The following ELL variants were observed in gnomAD, a reference collection of about 807,000 sequenced individuals.
ELL encodes the protein elongation factor for RNA polymerase II, also known as RNA polymerase II elongation factor ELL.
Under a neutral mutation model 64.0 loss-of-function variants are expected in ELL, and 18 were observed. The observed-to-expected ratio is 0.28, with a 90% confidence interval of 0.19 to 0.42. The LOEUF (loss-of-function observed/expected upper bound fraction) is 0.42. Ranked by LOEUF, ELL falls within the 10% of genes least tolerant of loss-of-function variation. The pLI, the probability that ELL is intolerant of heterozygous loss-of-function variation, is 1.00. For missense variants in ELL, 797 were observed against 870.4 expected, an observed-to-expected ratio of 0.92 and a Z score of 1.06; for synonymous variants, 399 against 376.2, an observed-to-expected ratio of 1.06 and a Z score of -0.70.
intron 6 of ELL, among the ~76,000 whole-genome samples, chr19:18,457,038 C>T (rs867007725): frequency 6.6e-6 from 1 of 152,176 alleles, no homozygotes; most frequent in East Asian, 1.9e-4. Flanking sequence ...GGACATCAAC[C>T]CTGCCCCCTG....
chr19:18,474,980 T>C (rs1235314666), intron 1 of ELL, among the ~76,000 whole-genome samples: 1 of 152,100 alleles, frequency 6.6e-6, no homozygotes, highest in Admixed American at 6.5e-5. Context: ...AAAAATTAGC[T>C]GGGCGTGGCA....
Position 18,465,936 on chromosome 19 carries a change from G to A in ELL, c.184-18C>T. On this transcript the variant is annotated intron_variant, in intron 2 of 11. Transcript: ENST00000262809. Reference sequence around the variant, plus strand: ...GAGATGTGCTGCGTGGAGGGGGAGGGGGTGTCACTGGGAGGTCCTCGGCAG... The same window carrying A: ...GAGATGTGCTGCGTGGAGGGGGAGGAGGTGTCACTGGGAGGTCCTCGGCAG... The A allele has an allele frequency of 7.7e-7, 1 of 1,290,794 alleles. No homozygotes were observed. Among genetic ancestry groups the A allele is most frequent in the Non-Finnish European group, 9.9e-7 (1 of 1,012,802 alleles). The allele number at this position is 1,290,794 out of a possible 1,614,324, so 80.0% of individuals were successfully genotyped here. A position where few individuals can be genotyped will look rare whatever the true frequency, so the allele number is the denominator to read the frequency against.
Position 18,443,373 on chromosome 19 carries a change from A to AC in ELL, c.*1378dup, listed in dbSNP as rs773192509. 3.6e-5 allele frequency: 8 copies of AC among 224,656 alleles called. No homozygotes were observed. Among genetic ancestry groups the AC allele is most frequent in the South Asian group, 1.9e-4 (1 of 5,200 alleles). 13.9% of individuals were successfully genotyped at this position (224,656 alleles called of 1,614,324 possible). A position where few individuals can be genotyped will look rare whatever the true frequency, so the allele number is the denominator to read the frequency against. On this transcript the variant is annotated 3_prime_UTR_variant, in exon 12 of 12. Transcript: ENST00000262809. ...GGAAGCTGTCAGGAGGCACCCCTCCACCCCCCAGTTTAGAAAAATAGACAT... is the reference window on the plus strand; with the variant it reads ...GGAAGCTGTCAGGAGGCACCCCTCCACCCCCCCAGTTTAGAAAAATAGACAT...
intron 1 of ELL, among the ~76,000 whole-genome samples, chr19:18,478,215 G>C (rs1975219578): frequency 6.6e-6 from 1 of 152,218 alleles, no homozygotes; most frequent in Non-Finnish European, 1.5e-5. Context: ...CCGAACCCTT[G>C]TCAGGGGGGC....
At position 18,449,604 on chromosome 19, in the gene ELL, T is replaced by C. The variant is rs1017019917; in HGVS notation, c.1465+873A>G. Among the ~76,000 whole-genome samples, 3 of 152,024 alleles carry C rather than the reference T, an allele frequency of 2.0e-5. No homozygotes were observed. Among genetic ancestry groups the C allele is most frequent in the African/African-American group, 7.2e-5 (3 of 41,392 alleles). Reference sequence around the variant, plus strand: ...AGGGCTCCCACCCTCATCCCAGGAATCCCCTGACTCAGCCTCCTCCCCAGA... The same window carrying C: ...AGGGCTCCCACCCTCATCCCAGGAACCCCCTGACTCAGCCTCCTCCCCAGA... On this transcript the variant is annotated intron_variant, in intron 8 of 11. Transcript: ENST00000262809. The surrounding 1 kb of genome is among the most constrained non-coding windows in gnomAD (Gnocchi z 4.4).
intron 1 of ELL, among the ~76,000 whole-genome samples, chr19:18,475,266 C>T (rs1975152717): frequency 6.6e-6 from 1 of 152,020 alleles, no homozygotes; most frequent in Admixed American, 6.6e-5. Context: ...AGATTGATAG[C>T]CATAAAAATA....
intron 1 of ELL, among the ~76,000 whole-genome samples, chr19:18,488,130 G>A (rs1476168652): frequency 1.3e-5 from 2 of 152,364 alleles, no homozygotes; most frequent in Admixed American, 1.3e-4. Context: ...CAGGTGAGCA[G>A]GGAGAGAGGT....
At position 18,449,212 on chromosome 19, in the gene ELL, G is replaced by A. The variant is rs1330631322; in HGVS notation, c.1465+1265C>T. ...CCTAGGCACTGGGCATCCAAGGAAG[G>A]GACACAGCCCAGAGTGGTCTGTGGA... On this transcript the variant is annotated intron_variant, in intron 8 of 11. Transcript: ENST00000262809. This position sits in a 1 kb window ranked among gnomAD's most constrained non-coding sequence, Gnocchi z 4.4. Among the ~76,000 whole-genome samples the A allele has an allele frequency of 6.6e-6, 1 of 152,266 alleles. No homozygotes were observed. The highest frequency in any genetic ancestry group is 2.1e-4 in the South Asian group (1 of 4,824).
chr19:18,517,395 T>C (rs8104247), intron 1 of ELL, among the ~76,000 whole-genome samples: 48,470 of 151,958 alleles, frequency 0.32, 9,673 homozygotes, highest in African/African-American at 0.57. Context: ...ATTACAGGCA[T>C]GCACCACCAC....
rs1335836373 is a variant in ELL, at chr19:18,449,364, G to A, written c.1465+1113C>T. Among the ~76,000 whole-genome samples the A allele has an allele frequency of 6.6e-6, 1 of 152,114 alleles. No individual in the cohort carries two copies. Among genetic ancestry groups the A allele is most frequent in the African/African-American group, 2.4e-5 (1 of 41,422 alleles). On this transcript the variant is annotated intron_variant, in intron 8 of 11. Transcript: ENST00000262809. The surrounding 1 kb of genome is among the most constrained non-coding windows in gnomAD (Gnocchi z 4.4). ...TGCCCTGAGCATGGCCCTGGTCAGA[G>A]AGGCTGCCCAGGGAGTAAGGCCACC...
rs1030486788 is a variant in ELL, at chr19:18,514,124, G to A, written c.135+7797C>T. Among the ~76,000 whole-genome samples, 15 of 152,196 alleles carry A rather than the reference G, an allele frequency of 9.9e-5. No individual in the cohort carries two copies. The East Asian group carries it at 2.7e-3, about 28-fold the overall frequency. On this transcript the variant is annotated intron_variant, in intron 1 of 11. Transcript: ENST00000262809. ...CATCAGACTCTGGGGCCCACTGCCA[G>A]GTCAGATGGAGGCGGGAGGTCTCTA...
rs576946478 is a variant in ELL at position 18,454,029 on chromosome 19, G to C, written c.870-2381C>G. Among the ~76,000 whole-genome samples the C allele has an allele frequency of 2.6e-5, 4 of 152,328 alleles. No homozygotes were observed. The East Asian group carries it at 7.7e-4, about 29-fold the overall frequency. On this transcript the variant is annotated intron_variant, in intron 6 of 11. Transcript: ENST00000262809. Reference sequence around the variant, plus strand: ...CTGGGAGCATGGGAGGGAATGGGGAGAATGACTCCTGATGGGGATAGGGTT... The same window carrying C: ...CTGGGAGCATGGGAGGGAATGGGGACAATGACTCCTGATGGGGATAGGGTT...
At chr19:18,489,240 G>A (rs1361237435) in intron 1 of ELL, among the ~76,000 whole-genome samples, 3 of 152,242 alleles carry the variant, frequency 2.0e-5, no homozygotes, top group East Asian at 3.8e-4. Flanking sequence ...AGAACATGGT[G>A]CAGGTGTGAG....
At chr19:18,485,964 C>A (rs1403454953) in intron 1 of ELL, among the ~76,000 whole-genome samples, 2 of 149,844 alleles carry the variant, frequency 1.3e-5, no homozygotes, top group African/African-American at 4.9e-5. Context: ...CCAGCCTGGG[C>A]GACAGAGCGA....
At chr19:18,493,894 A>G (rs978695036) in intron 1 of ELL, among the ~76,000 whole-genome samples, 4 of 152,216 alleles carry the variant, frequency 2.6e-5, no homozygotes, top group African/African-American at 9.6e-5. Flanking sequence ...CCTGAAGACA[A>G]TTGAAAGGTG....
intron 8 of ELL, 36 bp from the exon 9 acceptor site, chr19:18,446,850 C>T (rs754294384): frequency 6.2e-7 from 1 of 1,612,104 alleles, no homozygotes; most frequent in South Asian, 1.1e-5. Flanking sequence ...GAGTCTGCGC[C>T]CATGGCACCG....
chr19:18,509,660 C>CACACACACACACACACA (rs1220774909), intron 1 of ELL, among the ~76,000 whole-genome samples: 1 of 146,596 alleles, frequency 6.8e-6, no homozygotes, highest in East Asian at 2.1e-4. Context: ...CACACACACT[C>CACACACACACACACACA]CCCTCCCCAA....
intron 1 of ELL, among the ~76,000 whole-genome samples, chr19:18,515,208 C>A (rs542710805): frequency 6.6e-6 from 1 of 152,224 alleles, no homozygotes; most frequent in Admixed American, 6.5e-5. Flanking sequence ...ACTGCCAGCT[C>A]GGGCCCACAG....
chr19:18,454,031 A>G (rs545986918), intron 6 of ELL, among the ~76,000 whole-genome samples: 1 of 152,320 alleles, frequency 6.6e-6, no homozygotes, highest in East Asian at 1.9e-4. Flanking sequence ...AATGGGGAGA[A>G]TGACTCCTGA....
Sources: gnomAD v4.1 joint callset for allele counts (sites outside exome capture counted in the v4.1 genomes callset) on GRCh38, gnomAD v4.1.1 for gene constraint, Gnocchi (gnomAD v3.1) non-coding constraint, MANE v1.5 for transcripts, NCBI Gene and HGNC (gene_info 2026-07-23, HGNC 2026-07-21) for gene names.